Variants in KDM4B observed in about 807,000 individuals in gnomAD.
The protein encoded by KDM4B is lysine demethylase 4B.
Under a neutral mutation model 125.2 loss-of-function variants are expected in KDM4B, and 32 were observed. That is an observed-to-expected ratio of 0.26 (90% CI 0.19 to 0.34). The LOEUF is 0.34. KDM4B is among the 10% of genes least tolerant of loss of function. The pLI is 1.00. For synonymous variants in KDM4B, 721 were observed against 677.9 expected (o/e 1.06, Z -0.99); for missense variants, 1,190 against 1,577.7 (o/e 0.75, Z 4.16).
chr19:5,010,358 C>G (rs984791660), intron 1 of KDM4B, among the ~76,000 whole-genome samples: 1 of 152,140 alleles, frequency 6.6e-6, no homozygotes, highest in Non-Finnish European at 1.5e-5. Flanking sequence ...GTGGCTGATG[C>G]GGCTCAGCGT....
chr19:5,028,859 C>A (rs2036363481), intron 2 of KDM4B, among the ~76,000 whole-genome samples: 1 of 152,152 alleles, frequency 6.6e-6, no homozygotes, highest in South Asian at 2.1e-4. Flanking sequence ...TGCTTGTTGG[C>A]CATTTGTCTA....
rs2039631299 is a variant in KDM4B, at chr19:5,135,411, A to G, written c.2158A>G (p.Ser720Gly). The G allele has an allele frequency of 6.2e-7, 1 of 1,613,658 alleles. No homozygotes were observed. The highest frequency in any genetic ancestry group is 8.5e-7 in the Non-Finnish European group (1 of 1,179,994). Residue 720 changes from serine to glycine, a missense_variant, in exon 15 of 23, where the codon AGC becomes GGC. This residue lies in a region of KDM4B where 128 missense variants were observed against 137.8 expected (regional missense o/e 0.93). Coordinates refer to ENST00000159111, the MANE Select transcript of KDM4B (RefSeq NM_015015.3). ...EGCPATLPSKSRQKTRPLIPE... is the reference protein window; with the variant it reads ...EGCPATLPSKGRQKTRPLIPE... ...CTGCCCGGCCACATTACCCTCCAAAAGCCGTCAGAAGACCCGACCGCTCAT... is the reference window on the plus strand; with the variant it reads ...CTGCCCGGCCACATTACCCTCCAAAGGCCGTCAGAAGACCCGACCGCTCAT...
At chr19:5,143,889 G>A (rs992394980) in intron 18 of KDM4B, 78 bp from the exon 19 acceptor site, 44 of 1,179,094 alleles carry the variant, frequency 3.7e-5, no homozygotes, top group South Asian at 3.6e-4. Context: ...AGGCTGTGCC[G>A]GGAGGGGCCG....
At chr19:5,022,512 G>A (rs990603087) in intron 2 of KDM4B, among the ~76,000 whole-genome samples, 2 of 152,176 alleles carry the variant, frequency 1.3e-5, no homozygotes, top group African/African-American at 4.8e-5. Context: ...AATCCCACCT[G>A]TCAGAGCCCA....
At chr19:4,980,421 CTTTTT>C (rs572345837) in intron 1 of KDM4B, among the ~76,000 whole-genome samples, 2 of 109,728 alleles carry the variant, frequency 1.8e-5, no homozygotes, top group Non-Finnish European at 3.6e-5. Flanking sequence ...CCTTTTCTTT[CTTTTT>C]TTTTTTTTTT....
chr19:4,974,137 G>A (rs985371890), intron 1 of KDM4B, among the ~76,000 whole-genome samples: 4 of 151,536 alleles, frequency 2.6e-5, no homozygotes, highest in African/African-American at 9.7e-5. Context: ...AGTGGCTCAC[G>A]CCTGTAAAGC....
chr19:5,045,573 T>C (rs1438982256), intron 5 of KDM4B, among the ~76,000 whole-genome samples: 1 of 151,920 alleles, frequency 6.6e-6, no homozygotes, highest in Non-Finnish European at 1.5e-5. Context: ...TTTCTTTTTT[T>C]TTTTTTGAGA....
intron 3 of KDM4B, among the ~76,000 whole-genome samples, chr19:5,034,378 G>A (rs1449272341): frequency 1.3e-5 from 2 of 152,222 alleles, no homozygotes; most frequent in Non-Finnish European, 2.9e-5. Context: ...GAGGGTGAAC[G>A]CCTAGGCTCT....
chr19:5,062,775 G>GTTTTTTTTTTTTTTT (rs34134889), intron 6 of KDM4B, among the ~76,000 whole-genome samples: 1 of 89,866 alleles, frequency 1.1e-5, no homozygotes. Flanking sequence ...TAATTAAACT[G>GTTTTTTTTTTTTTTT]TTTTTTTTTT....
chr19:5,002,152 C>A (rs1350944020), intron 1 of KDM4B, among the ~76,000 whole-genome samples: 2 of 152,166 alleles, frequency 1.3e-5, no homozygotes, highest in Non-Finnish European at 2.9e-5. Context: ...CGTGTGCCAC[C>A]ATGTCCAGCT....
chr19:5,063,642 C>T (rs1320764113), intron 6 of KDM4B, among the ~76,000 whole-genome samples: 1 of 152,206 alleles, frequency 6.6e-6, no homozygotes, highest in Non-Finnish European at 1.5e-5. Context: ...TGGCACTGAG[C>T]CCAGCAACGC....
At chr19:5,132,103 C>G (rs1043173479) in intron 13 of KDM4B, 96 bp downstream of exon 13, 16 of 1,413,246 alleles carry the variant, frequency 1.1e-5, no homozygotes, top group Admixed American at 2.6e-5. Context: ...CTTCCTTCCC[C>G]CACTTCCTGG....
chr19:5,062,482 C>T (rs551555582), intron 6 of KDM4B, among the ~76,000 whole-genome samples: 2 of 152,360 alleles, frequency 1.3e-5, no homozygotes, highest in South Asian at 4.1e-4. Flanking sequence ...GAGGCACTGG[C>T]TTCCCAGGTC....
At position 5,033,001 on chromosome 19, in the gene KDM4B, G is replaced by A. The variant is rs200547114; in HGVS notation, c.111G>A (p.Ser37=). ...ACAAATACGTGGCCTACATAGAGTC[G>A]CAGGGAGCCCACCGGGCGGGCCTGG... is the stretch of plus-strand genomic sequence containing the variant. ...DFNKYVAYIE[S]QGAHRAGLAK... Residue 37 remains serine (S), a synonymous_variant, in exon 3 of 23, where the codon TCG becomes TCA. Coordinates refer to ENST00000159111, the MANE Select transcript of KDM4B (RefSeq NM_015015.3). 34 of 1,613,746 alleles carry A rather than the reference G, an allele frequency of 2.1e-5. No homozygotes were observed. Among genetic ancestry groups the A allele is most frequent in the Admixed American group, 3.3e-5 (2 of 59,998 alleles).
intron 10 of KDM4B, chr19:5,119,332 C>T (rs1849793989): frequency 8.1e-6 from 6 of 742,652 alleles, no homozygotes; most frequent in Admixed American, 2.5e-5. Context: ...GCTCCTGCCG[C>T]CCCGTCCCGC....
At chr19:5,011,588 A>C (rs2035729834) in intron 1 of KDM4B, among the ~76,000 whole-genome samples, 1 of 152,112 alleles carries the variant, frequency 6.6e-6, no homozygotes, top group African/African-American at 2.4e-5. Context: ...GCCGTGGGAG[A>C]GGCAGGCAGG....
At chr19:5,039,808 G>C in intron 3 of KDM4B, 28 bp from the exon 4 acceptor site, 1 of 1,606,112 alleles carries the variant, frequency 6.2e-7, no homozygotes, top group Non-Finnish European at 8.5e-7. Context: ...GTCTGAGGGT[G>C]CCACTGACTC....
intron 3 of KDM4B, among the ~76,000 whole-genome samples, chr19:5,037,891 C>T (rs1221035008): frequency 6.6e-6 from 1 of 152,252 alleles, no homozygotes; most frequent in South Asian, 2.1e-4. Flanking sequence ...CTGTGCATGC[C>T]GGCCACGGAG....
chr19:4,986,818 C>G (rs1052770507), intron 1 of KDM4B, among the ~76,000 whole-genome samples: 1 of 152,260 alleles, frequency 6.6e-6, no homozygotes, highest in African/African-American at 2.4e-5. Flanking sequence ...CGAGGCGCAG[C>G]TCACTGAGCT....
Sources: gnomAD v4.1 joint callset for allele counts (sites outside exome capture counted in the v4.1 genomes callset) on GRCh38, gnomAD v4.1.1 for gene constraint, gnomAD v4.1.1 regional missense constraint, MANE v1.5 for transcripts, NCBI Gene and HGNC (gene_info 2026-07-23, HGNC 2026-07-21) for gene names.